The following ADGRB1 variants were observed in gnomAD, a reference collection of about 807,000 sequenced individuals.
The protein encoded by ADGRB1 is brain-specific angiogenesis inhibitor 1.
A neutral mutation model predicts 175.7 loss-of-function variants in ADGRB1; 36 were observed. The observed-to-expected ratio is 0.20, with a 90% CI of 0.16 to 0.27. The LOEUF (loss-of-function observed/expected upper bound fraction) is 0.27. Among genes scored for constraint, ADGRB1 ranks in the 10% least tolerant of loss-of-function variants. The probability of loss-of-function intolerance (pLI) is 1.00; values close to 1 mark genes in which losing one functional copy is unlikely to be tolerated. For synonymous variants in ADGRB1, 1,054 were observed against 979.4 expected, an observed-to-expected ratio of 1.08 and a Z score of -1.42; for missense variants, 1,731 against 2,255.3, an observed-to-expected ratio of 0.77 and a Z score of 4.71.
At chr8:142,509,533 C>T (rs1251387875) in intron 17 of ADGRB1, among the ~76,000 whole-genome samples, 1 of 152,170 alleles carries the variant, frequency 6.6e-6, no homozygotes, top group Non-Finnish European at 1.5e-5. Context: ...CTTCTGACTC[C>T]TAGCCTCAGC....
At position 142,533,251 on chromosome 8, in the gene ADGRB1, G is replaced by A. The variant is rs376518381; in HGVS notation, c.3399-44G>A. ...CAGGGTTCAGGGCAGGGTGTCCCTG[G>A]GGGCAGGGGCGGGGGCGGCAGCGCT... On this transcript the variant is annotated intron_variant, in intron 24 of 30. Coordinates refer to ENST00000517894, the MANE Select transcript of ADGRB1 (RefSeq NM_001702.3). 3.3e-4 allele frequency: 475 copies of A among 1,457,376 alleles called. 2 individuals carry two copies. In the East Asian group the frequency reaches 0.011, roughly 33 times the overall value. 90.3% of individuals were successfully genotyped at this position (1,457,376 alleles called of 1,614,324 possible). A position where few individuals can be genotyped will look rare whatever the true frequency, so the allele number is the denominator to read the frequency against.
At position 142,537,169 on chromosome 8, in the gene ADGRB1, T is replaced by A; in HGVS notation, c.3666+87T>A. 1 of 1,088,210 alleles carries A rather than the reference T, an allele frequency of 9.2e-7. No homozygotes were observed. Among genetic ancestry groups the A allele is most frequent in the Admixed American group, 3.3e-5 (1 of 30,650 alleles). The allele number at this position is 1,088,210 out of a possible 1,614,324, so 67.4% of individuals were successfully genotyped here. ...TCCAGGCCCTCACCGTGCCCCAAGC[T>A]CCCCTAGGCCCCAGCAACCCTGCTG... On this transcript the variant is annotated intron_variant, in intron 26 of 30. Coordinates refer to ENST00000517894, the MANE Select transcript of ADGRB1 (RefSeq NM_001702.3). This position sits in a 1 kb window ranked among gnomAD's most constrained non-coding sequence, Gnocchi z 4.6.
At chr8:142,485,765 GT>G (rs1402257886) in intron 13 of ADGRB1, among the ~76,000 whole-genome samples, 1 of 152,206 alleles carries the variant, frequency 6.6e-6, no homozygotes, top group Non-Finnish European at 1.5e-5. Context: ...GAGCACCGTG[GT>G]TACCCCACAT....
chr8:142,530,672 T>C (rs1259532570), intron 24 of ADGRB1, among the ~76,000 whole-genome samples: 1 of 152,124 alleles, frequency 6.6e-6, no homozygotes, highest in Non-Finnish European at 1.5e-5. Context: ...TTCAGGTTCT[T>C]TGGGGCTAGT....
Position 142,510,916 on chromosome 8 carries a change from T to TGGCCCCC in ADGRB1, c.2676-16_2676-15insGGCCCCC. On this transcript the variant is annotated splice_polypyrimidine_tract_variant and intron_variant, in intron 17 of 30. Transcript: ENST00000517894. This position sits in a 1 kb window ranked among gnomAD's most constrained non-coding sequence, Gnocchi z 6.3. ...ACGCTCCGCCTGTCTCCCTCCCGTG[T>TGGCCCCC]CCCGCCCGCCCCCAGACCCTCCTCC... The TGGCCCCC allele has an allele frequency of 1.0e-6, 1 of 969,728 alleles. No individual in the cohort carries two copies. Among genetic ancestry groups the TGGCCCCC allele is most frequent in the Non-Finnish European group, 1.3e-6 (1 of 789,288 alleles). 60.1% of individuals were successfully genotyped at this position (969,728 alleles called of 1,614,324 possible). A position where few individuals can be genotyped will look rare whatever the true frequency, so the allele number is the denominator to read the frequency against.
Position 142,533,403 on chromosome 8 carries a change from C to T in ADGRB1, c.3507C>T (p.Phe1169=), listed in dbSNP as rs777912167. Residue 1169 remains phenylalanine, a synonymous_variant, in exon 25 of 31, where the codon TTC becomes TTT. Coordinates refer to ENST00000517894, the MANE Select transcript of ADGRB1 (RefSeq NM_001702.3). The part of the protein sequence containing the change: ...DRRSALFQIL[F]AVFDSLEGFV... ...GCTCCGCCCTCTTCCAGATCCTCTT[C>T]GCTGTCTTCGACTCGCTGGAGGGCT... The T allele has an allele frequency of 5.6e-6, 9 of 1,612,518 alleles. No homozygotes were observed. The highest frequency in any genetic ancestry group is 1.1e-5 in the South Asian group (1 of 91,030).
Position 142,537,022 on chromosome 8 carries a change from G to A in ADGRB1, c.3606G>A (p.Arg1202=), listed in dbSNP as rs1471406329. Residue 1202 remains arginine (R), a synonymous_variant, in exon 26 of 31, where the codon CGG becomes CGA. Coordinates refer to ENST00000517894, the MANE Select transcript of ADGRB1 (RefSeq NM_001702.3). This position sits in a 1 kb window ranked among gnomAD's most constrained non-coding sequence, Gnocchi z 4.6. ...CTGTGAAATGCCGTGTGGTTGACCG[G>A]CAGGAGGAGGGCAACGGGGACTCAG... The part of the protein sequence containing the change: ...QDAVKCRVVD[R]QEEGNGDSGG... 1.9e-6 allele frequency: 3 copies of A among 1,591,650 alleles called. No individual in the cohort carries two copies. The highest frequency in any genetic ancestry group is 2.6e-6 in the Non-Finnish European group (3 of 1,169,474).
Position 142,492,921 on chromosome 8 carries a change from G to T in ADGRB1, c.2675+2106G>T, listed in dbSNP as rs773815336. On this transcript the variant is annotated intron_variant, in intron 17 of 30. Coordinates refer to ENST00000517894, the MANE Select transcript of ADGRB1 (RefSeq NM_001702.3). This position sits in a 1 kb window ranked among gnomAD's most constrained non-coding sequence, Gnocchi z 4.4. ...CCACAGTGCAGAAACCCTCCATCCG[G>T]GCTGTTCGCCGGCCGCGGCAGCTCT... Among the ~76,000 whole-genome samples, 13 of 152,060 alleles carry T rather than the reference G, an allele frequency of 8.5e-5. No homozygotes were observed. Among genetic ancestry groups the T allele is most frequent in the Middle Eastern group, 3.4e-3 (1 of 294 alleles).
rs530181536 is a variant in ADGRB1, at chr8:142,486,995, G to A, written c.2309-1369G>A. Among the ~76,000 whole-genome samples the A allele has an allele frequency of 1.4e-4, 21 of 152,322 alleles. No homozygotes were observed. The East Asian group carries it at 2.1e-3, about 15-fold the overall frequency. The stretch of plus-strand genomic sequence containing the variant: ...TGATCACACCACTGCACTTCAGCCT[G>A]AGCAATAGGCTGTCTCTTTAAAGAA... On this transcript the variant is annotated intron_variant, in intron 13 of 30. Coordinates refer to ENST00000517894, the MANE Select transcript of ADGRB1 (RefSeq NM_001702.3).
rs751095964 is a variant in ADGRB1, at chr8:142,537,093, G to C, written c.3666+11G>C. Reference sequence around the variant, plus strand: ...CACGCCCAGCTCATGGTAGGACTCAGGGCCCGGGGACTCAGGCTGCCCTAC... The same window carrying C: ...CACGCCCAGCTCATGGTAGGACTCACGGCCCGGGGACTCAGGCTGCCCTAC... On this transcript the variant is annotated intron_variant, in intron 26 of 30. Transcript: ENST00000517894. The surrounding 1 kb of genome is among the most constrained non-coding windows in gnomAD (Gnocchi z 4.6). The C allele has an allele frequency of 3.3e-6, 5 of 1,493,340 alleles. No homozygotes were observed. In the South Asian group the frequency reaches 6.8e-5, roughly 20 times the overall value. 92.5% of individuals were successfully genotyped at this position (1,493,340 alleles called of 1,614,324 possible). A position where few individuals can be genotyped will look rare whatever the true frequency, so the allele number is the denominator to read the frequency against.
chr8:142,534,148 C>T (rs987483730), intron 25 of ADGRB1, among the ~76,000 whole-genome samples: 10 of 152,214 alleles, frequency 6.6e-5, no homozygotes, highest in African/African-American at 2.4e-4. Context: ...GGCAGGGAAG[C>T]AGGATGAGAG....
At chr8:142,497,566 A>G (rs1026802178) in intron 17 of ADGRB1, among the ~76,000 whole-genome samples, 1 of 152,180 alleles carries the variant, frequency 6.6e-6, no homozygotes, top group Non-Finnish European at 1.5e-5. Flanking sequence ...GAGCCTCAGT[A>G]TCTGCACCAT....
intron 17 of ADGRB1, among the ~76,000 whole-genome samples, chr8:142,498,860 G>A (rs1402671466): frequency 6.6e-6 from 1 of 152,202 alleles, no homozygotes; most frequent in Non-Finnish European, 1.5e-5. Context: ...AGCTGGGAGG[G>A]GCTTCGGCAG....
Position 142,542,365 on chromosome 8 carries a change from C to T in ADGRB1, c.4131C>T (p.Leu1377=), listed in dbSNP as rs1256259882. The T allele has an allele frequency of 5.6e-6, 9 of 1,594,686 alleles. No homozygotes were observed. The highest frequency in any genetic ancestry group is 7.7e-6 in the Non-Finnish European group (9 of 1,171,724). The change falls in exon 28 of 31, where the codon CTC becomes CTT. Residue 1377 remains leucine (L), a synonymous_variant. Coordinates refer to ENST00000517894, the MANE Select transcript of ADGRB1 (RefSeq NM_001702.3). The surrounding 1 kb of genome is among the most constrained non-coding windows in gnomAD (Gnocchi z 6.3). ...TTGACCAGATGCCGCAGACCCGCCT[C>T]ATCCACCTCAGCACGGCCCCCGAGG... ...IHIDQMPQTR[L]IHLSTAPEAS...
intron 13 of ADGRB1, among the ~76,000 whole-genome samples, chr8:142,487,247 G>A (rs925502463): frequency 2.6e-5 from 4 of 151,670 alleles, no homozygotes; most frequent in Middle Eastern, 3.2e-3. Flanking sequence ...CCACCCCTTC[G>A]CCTGCTCCAG....
At chr8:142,491,893 A>C (rs867773034) in intron 17 of ADGRB1, among the ~76,000 whole-genome samples, 1 of 152,002 alleles carries the variant, frequency 6.6e-6, no homozygotes, top group South Asian at 2.1e-4. Context: ...TGACAGGGAG[A>C]GGGAGGCAGG....
At chr8:142,539,289 T>C in intron 26 of ADGRB1, 85 bp from the exon 27 acceptor site, 1 of 1,394,434 alleles carries the variant, frequency 7.2e-7, no homozygotes, top group Non-Finnish European at 9.9e-7. Flanking sequence ...AGGAGCACCG[T>C]GGCCCTCCCG....
At chr8:142,478,433 C>A in intron 7 of ADGRB1, 73 bp downstream of exon 7, 1 of 1,460,236 alleles carries the variant, frequency 6.8e-7, no homozygotes, top group Non-Finnish European at 9.1e-7. Context: ...ACAGGCCCCA[C>A]AGCGGGTGGG....
chr8:142,519,698 G>A (rs1206106624), intron 19 of ADGRB1, among the ~76,000 whole-genome samples: 2 of 91,864 alleles, frequency 2.2e-5, no homozygotes, highest in African/African-American at 5.3e-5. Flanking sequence ...TGGTGGTTGT[G>A]ATGGTGTTGG....
Sources: gnomAD v4.1 joint callset for allele counts (sites outside exome capture counted in the v4.1 genomes callset) on GRCh38, gnomAD v4.1.1 for gene constraint, Gnocchi (gnomAD v3.1) non-coding constraint, MANE v1.5 for transcripts, NCBI Gene and HGNC (gene_info 2026-07-23, HGNC 2026-07-21) for gene names.